ADAP1: variants seen among roughly 807,000 people sequenced by gnomAD.
ADAP1 encodes the protein arf-GAP with dual PH domain-containing protein 1.
ADAP1 carries 31 observed loss-of-function variants against 54.9 expected under a neutral mutation model. The observed-to-expected ratio is 0.56, with a 90% CI of 0.42 to 0.76. The LOEUF (loss-of-function observed/expected upper bound fraction) is 0.76, where lower values mean the gene tolerates loss of function less well. ADAP1 is among the 30% of genes least tolerant of loss of function. ADAP1 has a pLI of 0.00. For missense variants in ADAP1, 535 were observed against 512.4 expected, an observed-to-expected ratio of 1.04 and a Z score of -0.42; for synonymous variants, 313 against 202.6, an observed-to-expected ratio of 1.55 and a Z score of -4.63.
intron 4 of ADAP1, among the ~76,000 whole-genome samples, chr7:909,923 C>T (rs953891295): frequency 1.3e-5 from 2 of 152,208 alleles, no homozygotes; most frequent in African/African-American, 4.8e-5. Flanking sequence ...CAGGTCTTGT[C>T]CCACCTGTGG....
intron 4 of ADAP1, among the ~76,000 whole-genome samples, chr7:909,501 G>T (rs1845632514): frequency 6.6e-6 from 1 of 152,176 alleles, no homozygotes; most frequent in South Asian, 2.1e-4. Context: ...TTTCAGGACG[G>T]CGCTGGCCAC....
At chr7:906,917 G>A (rs1251845269) in intron 4 of ADAP1, among the ~76,000 whole-genome samples, 1 of 145,230 alleles carries the variant, frequency 6.9e-6, no homozygotes, top group Non-Finnish European at 1.5e-5. Flanking sequence ...CGGCCTGGAT[G>A]AGCGGGACTC....
rs117872557 is a variant in ADAP1 at position 910,348 on chromosome 7, C to A, written c.389-5176G>T. On this transcript the variant is annotated intron_variant, in intron 4 of 10. Transcript: ENST00000265846. ...CACTGCAGCCTTGACCTTCCGGGCT[C>A]AAGTGATCCTCCAGCCTTGGCCTCC... Among the ~76,000 whole-genome samples, 16 of 152,090 alleles carry A rather than the reference C, an allele frequency of 1.1e-4. No individual in the cohort carries two copies. The East Asian group carries it at 3.1e-3, about 29-fold the overall frequency.
rs1318981836 is a variant in ADAP1, at chr7:920,520, CCCGTGCCGCCCTCCACCCG to C, written c.306-489_306-471del. Among the ~76,000 whole-genome samples, 132 of 151,938 alleles carry C rather than the reference CCCGTGCCGCCCTCCACCCG, an allele frequency of 8.7e-4. No individual in the cohort carries two copies. The highest frequency in any genetic ancestry group is 6.8e-3 in the Middle Eastern group (2 of 294). On this transcript the variant is annotated intron_variant, in intron 3 of 10. Coordinates refer to ENST00000265846, the MANE Select transcript of ADAP1 (RefSeq NM_006869.4). This position sits in a 1 kb window ranked among gnomAD's most constrained non-coding sequence, Gnocchi z 4.5. ...CCCACCGTGCTGCCACCTTGCACCC[CCCGTGCCGCCCTCCACCCG>C]CCGTGCCGCCCTCCACGTGGTTCTG...
intron 4 of ADAP1, among the ~76,000 whole-genome samples, chr7:918,903 G>A (rs867825407): frequency 6.9e-6 from 1 of 144,614 alleles, no homozygotes; most frequent in Non-Finnish European, 1.5e-5. Context: ...TGAGATGCCA[G>A]GAGAAGCAGG....
intron 4 of ADAP1, 73 bp downstream of exon 4, chr7:919,895 A>AAGAGATGGGGGAGGGAGGGAG (rs1846117681): frequency 4.5e-6 from 3 of 661,080 alleles, no homozygotes; most frequent in Admixed American, 4.2e-5. Context: ...GAGGGAGGGA[A>AAGAGATGGGGGAGGGAGGGAG]AGAGATGGGG....
At chr7:906,122 GGA>G (rs1357587570) in intron 4 of ADAP1, among the ~76,000 whole-genome samples, 35 of 3,826 alleles carry the variant, frequency 9.1e-3, no homozygotes, top group Admixed American at 0.02. Flanking sequence ...AAGGAGAAAG[GGA>G]GAAAGGAGAA....
chr7:925,894 G>A (rs1846367544), intron 3 of ADAP1, among the ~76,000 whole-genome samples: 1 of 152,170 alleles, frequency 6.6e-6, no homozygotes, highest in Non-Finnish European at 1.5e-5. Flanking sequence ...GAAGCATGGG[G>A]GGCCGGGAGG....
At chr7:910,919 C>T (rs956950739) in intron 4 of ADAP1, among the ~76,000 whole-genome samples, 5 of 152,172 alleles carry the variant, frequency 3.3e-5, no homozygotes, top group Admixed American at 2.0e-4. Context: ...AGGCAAACAC[C>T]GGAGCCCACG....
chr7:910,565 G>C (rs1562918966), intron 4 of ADAP1, among the ~76,000 whole-genome samples: 1 of 152,196 alleles, frequency 6.6e-6, no homozygotes, highest in Non-Finnish European at 1.5e-5. Context: ...GCTGGGTCTT[G>C]GATTTGTCAG....
intron 1 of ADAP1, among the ~76,000 whole-genome samples, chr7:951,542 A>C (rs1847271612): frequency 6.6e-6 from 1 of 151,728 alleles, no homozygotes; most frequent in African/African-American, 2.4e-5. Flanking sequence ...GTGCCACTGC[A>C]CTGTAGCCTG....
chr7:903,976 C>T (rs961324169), intron 6 of ADAP1, 150 bp downstream of exon 6: 121 of 1,058,996 alleles, frequency 1.1e-4, no homozygotes, highest in Non-Finnish European at 1.2e-4. Flanking sequence ...CGCCTTCCCA[C>T]GCTGCCCAGC....
At chr7:919,596 A>G (rs1846083168) in intron 4 of ADAP1, among the ~76,000 whole-genome samples, 1 of 143,264 alleles carries the variant, frequency 7.0e-6, no homozygotes, top group Non-Finnish European at 1.5e-5. Context: ...AAGAGAGAGG[A>G]AGAGAGACAG....
At position 899,049 on chromosome 7, in the gene ADAP1, C is replaced by T. The variant is rs756231804; in HGVS notation, c.1080G>A (p.Leu360=). Residue 360 remains leucine (L), a synonymous_variant, in exon 10 of 11, where the codon CTG becomes CTA. Coordinates refer to ENST00000265846, the MANE Select transcript of ADAP1 (RefSeq NM_006869.4). ...AFQKAVDRPM[L]PQEYAVEAHF... ...CCCCCTCACCTGCGTACTCCTGGGG[C>T]AGCATGGGCCTGTCCACCGCCTTCT... 29 of 1,608,882 alleles carry T rather than the reference C, an allele frequency of 1.8e-5. No individual in the cohort carries two copies. Among genetic ancestry groups the T allele is most frequent in the African/African-American group, 2.7e-5 (2 of 74,930 alleles).
intron 4 of ADAP1, chr7:905,550 GGGAGAAAGGAGAAAGGAGAAA>G (rs1845163830): frequency 6.6e-4 from 4 of 6,070 alleles, no homozygotes; most frequent in African/African-American, 1.1e-3. Flanking sequence ...GAAGGGAGAA[GGGAGAAAGGAGAAAGGAGAAA>G]GGAGAAAGGA....
At chr7:917,418 G>A (rs1278507020) in intron 4 of ADAP1, among the ~76,000 whole-genome samples, 1 of 152,146 alleles carries the variant, frequency 6.6e-6, no homozygotes, top group East Asian at 1.9e-4. Context: ...CTTCTCCACT[G>A]AACCCACCTA....
At chr7:899,371 C>T (rs773092469) in intron 9 of ADAP1, 48 bp downstream of exon 9, 6 of 1,609,588 alleles carry the variant, frequency 3.7e-6, no homozygotes, top group Non-Finnish European at 5.1e-6. Flanking sequence ...TCTGGCAACC[C>T]CAGCCAGTGA....
chr7:912,198 G>C (rs1583147585), intron 4 of ADAP1, among the ~76,000 whole-genome samples: 1 of 152,316 alleles, frequency 6.6e-6, no homozygotes, highest in East Asian at 1.9e-4. Context: ...AACCACAGAA[G>C]CTCCGACAGG....
chr7:918,706 TCC>T (rs1846033936), intron 4 of ADAP1, among the ~76,000 whole-genome samples: 2 of 152,120 alleles, frequency 1.3e-5, no homozygotes, highest in South Asian at 4.1e-4. Context: ...TAGGCTTGCC[TCC>T]GTTTCCCTGT....
Sources: allele counts gnomAD v4.1 joint callset (sites outside exome capture counted in the v4.1 genomes callset), GRCh38; gene constraint gnomAD v4.1.1; non-coding constraint Gnocchi (gnomAD v3.1); transcripts MANE v1.5; gene names NCBI Gene and HGNC (gene_info 2026-07-23, HGNC 2026-07-21).